ARHGAP27: variants seen among roughly 807,000 people sequenced by gnomAD.
The protein encoded by ARHGAP27 is rho GTPase-activating protein 27.
In ARHGAP27, 53 loss-of-function variants were observed where a neutral mutation model predicts 102.0. That is an observed-to-expected ratio of 0.52 (90% CI 0.42 to 0.65). The LOEUF (loss-of-function observed/expected upper bound fraction) is 0.65. Ranked by LOEUF, ARHGAP27 falls within the 30% of genes least tolerant of loss-of-function variation. The pLI is 0.00. For missense variants in ARHGAP27, 1,117 were observed against 1,256.2 expected (o/e 0.89, Z 1.68); for synonymous variants, 525 against 542.8 (o/e 0.97, Z 0.46).
chr17:45,424,372 C>A (rs2049336210), intron 4 of ARHGAP27, among the ~76,000 whole-genome samples: 1 of 152,240 alleles, frequency 6.6e-6, no homozygotes, highest in South Asian at 2.1e-4. Flanking sequence ...CAGCCACTGA[C>A]CTCTCACTCC....
rs183360366 is a variant in ARHGAP27, at chr17:45,429,415, T to C, written c.657+208A>G. 19 of 1,386,648 alleles carry C rather than the reference T, an allele frequency of 1.4e-5. No homozygotes were observed. In the African/African-American group the frequency reaches 2.7e-4, roughly 20 times the overall value. 85.9% of individuals were successfully genotyped at this position (1,386,648 alleles called of 1,614,324 possible). On this transcript the variant is annotated intron_variant, in intron 4 of 19. Transcript: ENST00000685559. ...AAAGCCTCTGGGCTTCCAGGGAGCT[T>C]TGGAGCTTGGGAATTGCTGATGAGG...
At chr17:45,409,999 T>TC (rs2047711255) in intron 4 of ARHGAP27, 1 of 560,560 alleles carries the variant, frequency 1.8e-6, no homozygotes, top group Non-Finnish European at 3.1e-6. Context: ...CTTACAGTGG[T>TC]TCACCCCTTA....
At chr17:45,431,510 C>G (rs2050055063) in intron 3 of ARHGAP27, 111 bp downstream of exon 3, 1 of 197,886 alleles carries the variant, frequency 5.1e-6, no homozygotes, top group African/African-American at 2.4e-5. Context: ...AGTCACTAAG[C>G]ACGCTGGGCC....
At chr17:45,410,677 C>T (rs1004562020) in intron 4 of ARHGAP27, among the ~76,000 whole-genome samples, 5 of 151,788 alleles carry the variant, frequency 3.3e-5, no homozygotes, top group African/African-American at 1.2e-4. Context: ...GGGGGAGGGG[C>T]GCGCTTGCAC....
At position 45,430,173 on chromosome 17, in the gene ARHGAP27, C is replaced by T; in HGVS notation, c.107G>A (p.Arg36Gln). ...RVAIRPNERY[R>Q]LLRRSTEHWW... ...GTGCTCGGTGCTGCGCCGCAGCAGC[C>T]GGTAGCGCTCATTCGGCCGGATGGC... is the stretch of plus-strand genomic sequence containing the variant. The change falls in exon 4 of 20, where the codon CGG becomes CAG. Residue 36 changes from arginine (R) to glutamine (Q), a missense_variant. Coordinates refer to ENST00000685559, the MANE Select transcript of ARHGAP27 (RefSeq NM_001282290.2). The surrounding 1 kb of genome is among the most constrained non-coding windows in gnomAD (Gnocchi z 4.4). 4 of 1,540,160 alleles carry T rather than the reference C, an allele frequency of 2.6e-6. No individual in the cohort carries two copies. The highest frequency in any genetic ancestry group is 3.5e-6 in the Non-Finnish European group (4 of 1,149,872).
chr17:45,404,818 GCT>G, intron 6 of ARHGAP27, 104 bp downstream of exon 6: 1 of 1,550,872 alleles, frequency 6.4e-7, no homozygotes, highest in South Asian at 1.1e-5. Context: ...GCTGGTTTAG[GCT>G]CTGTGTGGGA....
intron 12 of ARHGAP27, among the ~76,000 whole-genome samples, chr17:45,402,428 C>G (rs992002991): frequency 6.6e-6 from 1 of 152,166 alleles, no homozygotes; most frequent in African/African-American, 2.4e-5. Flanking sequence ...GGGGGTGCAG[C>G]GTTGGCCTTG....
chr17:45,406,742 C>T (rs1052962803), intron 4 of ARHGAP27, among the ~76,000 whole-genome samples: 1 of 152,146 alleles, frequency 6.6e-6, no homozygotes, highest in Non-Finnish European at 1.5e-5. Flanking sequence ...CAACCACCAC[C>T]TCCTGGATTC....
At chr17:45,428,948 G>A (rs1340088333) in intron 4 of ARHGAP27, among the ~76,000 whole-genome samples, 1 of 152,174 alleles carries the variant, frequency 6.6e-6, no homozygotes, top group Non-Finnish European at 1.5e-5. Flanking sequence ...ACTGGACTCT[G>A]AAGAGGGGGA....
At position 45,395,404 on chromosome 17, in the gene ARHGAP27, G is replaced by A; in HGVS notation, c.*52C>T. On this transcript the variant is annotated 3_prime_UTR_variant, in exon 20 of 20. Coordinates refer to ENST00000685559, the MANE Select transcript of ARHGAP27 (RefSeq NM_001282290.2). ...AAGGCCCGGCTGCGTGGCCTCCGCC[G>A]CCCAGCTTGTGTGGCAGGACCGCGG... 3.3e-6 allele frequency: 5 copies of A among 1,515,980 alleles called. No individual in the cohort carries two copies. In the South Asian group the frequency reaches 3.8e-5, roughly 12 times the overall value. The allele number at this position is 1,515,980 out of a possible 1,614,324, so 93.9% of individuals were successfully genotyped here. A position where few individuals can be genotyped will look rare whatever the true frequency, so the allele number is the denominator to read the frequency against.
At chr17:45,429,552 C>A (rs373396200) in intron 4 of ARHGAP27, 71 bp downstream of exon 4, 19 of 1,559,670 alleles carry the variant, frequency 1.2e-5, no homozygotes, top group African/African-American at 1.4e-5. Flanking sequence ...GGTCTCCTTG[C>A]GCCCCGGCTC....
chr17:45,417,721 T>C (rs2144844320), intron 4 of ARHGAP27, among the ~76,000 whole-genome samples: 1 of 149,144 alleles, frequency 6.7e-6, no homozygotes, highest in South Asian at 2.1e-4. Context: ...GCCACAGCCC[T>C]CCAGCCTGGG....
intron 4 of ARHGAP27, among the ~76,000 whole-genome samples, chr17:45,416,303 C>G (rs1410447276): frequency 2.6e-5 from 4 of 151,968 alleles, no homozygotes; most frequent in Non-Finnish European, 5.9e-5. Context: ...ATCCGCCCAC[C>G]TCAGCCTCCC....
chr17:45,408,766 C>T (rs1016343147), intron 4 of ARHGAP27: 1 of 152,418 alleles, frequency 6.6e-6, no homozygotes, highest in African/African-American at 2.4e-5. Flanking sequence ...ACAAGCCTCT[C>T]CAGGGAGAGG....
At position 45,425,599 on chromosome 17, in the gene ARHGAP27, G is replaced by C. The variant is rs547240417; in HGVS notation, c.657+4024C>G. The C allele has an allele frequency of 3.0e-6, 3 of 985,578 alleles. No individual in the cohort carries two copies. In the African/African-American group the frequency reaches 5.2e-5, roughly 17 times the overall value. 61.1% of individuals were successfully genotyped at this position (985,578 alleles called of 1,614,324 possible). ...GTGGAGGAGAAGGAATGAGGGCCCCGGGCTCCTTCCAGTCGGGGCTGCCTG... is the reference window on the plus strand; with the variant it reads ...GTGGAGGAGAAGGAATGAGGGCCCCCGGCTCCTTCCAGTCGGGGCTGCCTG... On this transcript the variant is annotated intron_variant, in intron 4 of 19. Coordinates refer to ENST00000685559, the MANE Select transcript of ARHGAP27 (RefSeq NM_001282290.2).
intron 12 of ARHGAP27, among the ~76,000 whole-genome samples, chr17:45,398,889 C>G (rs2046078917): frequency 6.6e-6 from 1 of 152,172 alleles, no homozygotes; most frequent in Non-Finnish European, 1.5e-5. Context: ...CATACACACA[C>G]TGAGGACTCA....
In ARHGAP27 at chr17:45,396,935, C is replaced by G. The variant is rs375474591; in HGVS notation, c.1932G>C (p.Glu644Asp). The G allele has an allele frequency of 3.6e-5, 58 of 1,606,126 alleles. No homozygotes were observed. The highest frequency in any genetic ancestry group is 4.0e-5 in the African/African-American group (3 of 75,076). The part of the protein sequence containing the change: ...ERLGSWQEKE[E>D]DARPNAAAPA... ...GCACACCTGCATTCGGTCGCGCGTCCTCCTCTTTCTCCTGCCAGCTTCCCA... is the reference window on the plus strand; with the variant it reads ...GCACACCTGCATTCGGTCGCGCGTCGTCCTCTTTCTCCTGCCAGCTTCCCA... The change falls in exon 14 of 20, where the codon GAG becomes GAC. Residue 644 changes from glutamate (E) to aspartate (D), a missense_variant. By Grantham distance (45) the Glu-to-Asp change is conservative. Around this residue, in one of 3 missense-constraint regions of ARHGAP27, gnomAD observed 493 missense variants for 505.5 expected, o/e 0.98. Transcript: ENST00000685559.
In ARHGAP27 at chr17:45,429,733, C is replaced by A; in HGVS notation, c.547G>T (p.Val183Leu). The A allele has an allele frequency of 6.5e-7, 1 of 1,541,486 alleles. No individual in the cohort carries two copies. The highest frequency in any genetic ancestry group is 8.7e-7 in the Non-Finnish European group (1 of 1,143,644). Residue 183 changes from valine (V) to leucine (L), a missense_variant, in exon 4 of 20, where the codon GTG (valine) becomes TTG (leucine). Val to Leu is a conservative substitution (Grantham distance 32). Around this residue, in one of 3 missense-constraint regions of ARHGAP27, gnomAD observed 610 missense variants for 716.4 expected, o/e 0.85. Coordinates refer to ENST00000685559, the MANE Select transcript of ARHGAP27 (RefSeq NM_001282290.2). ...CGCGGGCACACCCAGGAGCCCGCCA[C>A]GCTGCAGGCCTTGAAGCTGCCGCTG... ...GSSGSFKACS[V>L]AGSWVCPRPL...
At chr17:45,408,477 G>C (rs1160417619) in intron 4 of ARHGAP27, 1 of 152,176 alleles carries the variant, frequency 6.6e-6, no homozygotes, top group Non-Finnish European at 1.5e-5. Flanking sequence ...GACAGGGAGA[G>C]CTGGGGATCC....
Sources: gnomAD v4.1 joint callset for allele counts (sites outside exome capture counted in the v4.1 genomes callset) on GRCh38, gnomAD v4.1.1 for gene constraint, gnomAD v4.1.1 regional missense constraint, Gnocchi (gnomAD v3.1) non-coding constraint, MANE v1.5 for transcripts, NCBI Gene and HGNC (gene_info 2026-07-23, HGNC 2026-07-21) for gene names.